The following DDHD1 variants were observed in gnomAD, a reference collection of about 807,000 sequenced individuals.
DDHD1 encodes the protein phospholipase DDHD1.
In DDHD1, 49 loss-of-function variants were observed where a neutral mutation model predicts 96.4. The ratio of observed to expected loss-of-function variants is 0.51; its 90% CI spans 0.40 to 0.64. The LOEUF is 0.64. Ranked by LOEUF, DDHD1 falls within the 30% of genes least tolerant of loss-of-function variation. DDHD1 has a pLI of 0.00. For missense variants in DDHD1, 1,106 were observed against 1,161.2 expected (o/e 0.95, Z 0.69); for synonymous variants, 442 against 446.5 (o/e 0.99, Z 0.13).
At chr14:53,131,669 A>G (rs1399206859) in intron 1 of DDHD1, among the ~76,000 whole-genome samples, 1 of 152,160 alleles carries the variant, frequency 6.6e-6, no homozygotes, top group Non-Finnish European at 1.5e-5. Context: ...CTTCAGGGAC[A>G]GTCCCCATTA....
intron 2 of DDHD1, among the ~76,000 whole-genome samples, chr14:53,101,533 T>C (rs1323168233): frequency 6.6e-6 from 1 of 152,064 alleles, no homozygotes; most frequent in Non-Finnish European, 1.5e-5. Context: ...GCAAAAGTGT[T>C]CTAATAATTT....
intron 4 of DDHD1, among the ~76,000 whole-genome samples, chr14:53,082,838 T>C (rs1257678697): frequency 1.3e-5 from 2 of 150,896 alleles, no homozygotes; most frequent in Non-Finnish European, 2.9e-5. Flanking sequence ...GGTAGGATCA[T>C]AGCACACCAC....
rs1015571342 is a variant in DDHD1 at position 53,046,343 on chromosome 14, G to A, written c.*425C>T. The A allele has an allele frequency of 2.0e-5, 3 of 152,458 alleles. No homozygotes were observed. The highest frequency in any genetic ancestry group is 7.2e-5 in the African/African-American group (3 of 41,460). The allele number at this position is 152,458 out of a possible 1,614,324, so 9.4% of individuals were successfully genotyped here. ...GGATGTACAAATGAAAGCCTTCATA[G>A]AAATCTAAAACGATACCACCTTGTG... On this transcript the variant is annotated 3_prime_UTR_variant, in exon 13 of 13. Transcript: ENST00000673822.
intron 11 of DDHD1, chr14:53,053,440 CAAGTAGGA>C (rs1328520899): frequency 6.6e-6 from 1 of 151,996 alleles, no homozygotes; most frequent in Admixed American, 6.6e-5. Flanking sequence ...GCTGTTGGCC[CAAGTAGGA>C]ATGTTCAACC....
chr14:53,148,328 T>C (rs1566610530), intron 1 of DDHD1, among the ~76,000 whole-genome samples: 1 of 152,156 alleles, frequency 6.6e-6, no homozygotes, highest in Non-Finnish European at 1.5e-5. Flanking sequence ...TTTTTTTTTT[T>C]TGAGAGGGAG....
At chr14:53,093,590 A>G (rs1307814408) in intron 2 of DDHD1, 146 bp from the exon 3 acceptor site, 4 of 1,063,106 alleles carry the variant, frequency 3.8e-6, no homozygotes, top group African/African-American at 1.6e-5. Flanking sequence ...TATTTCACAT[A>G]AAAAAAGTTA....
chr14:53,147,205 C>CA (rs908703705), intron 1 of DDHD1, among the ~76,000 whole-genome samples: 1 of 151,900 alleles, frequency 6.6e-6, no homozygotes, highest in Admixed American at 6.6e-5. Context: ...TTGCTCTCCA[C>CA]AAAAAAGGAT....
At chr14:53,060,950 G>C (rs1883496882) in intron 8 of DDHD1, among the ~76,000 whole-genome samples, 176 bp downstream of exon 8, 1 of 152,040 alleles carries the variant, frequency 6.6e-6, no homozygotes, top group African/African-American at 2.4e-5. Context: ...GAACTGACTT[G>C]TCTATTCTTT....
chr14:53,146,901 GTA>G (rs1891024539), intron 1 of DDHD1, among the ~76,000 whole-genome samples: 1 of 149,188 alleles, frequency 6.7e-6, no homozygotes, highest in African/African-American at 2.5e-5. Context: ...AAGGGACTCT[GTA>G]TATCTGTACC....
chr14:53,144,668 C>T (rs987645079), intron 1 of DDHD1, among the ~76,000 whole-genome samples: 1 of 152,078 alleles, frequency 6.6e-6, no homozygotes, highest in South Asian at 2.1e-4. Context: ...CATGAGATAC[C>T]CTGGGCCTAG....
chr14:53,060,924 T>C (rs527768559), intron 8 of DDHD1, among the ~76,000 whole-genome samples: 1 of 152,230 alleles, frequency 6.6e-6, no homozygotes, highest in Non-Finnish European at 1.5e-5. Flanking sequence ...CTGTGCCATA[T>C]AACCTGAGGA....
intron 11 of DDHD1, 148 bp downstream of exon 11, chr14:53,054,287 AAGC>A (rs1315339150): frequency 3.3e-6 from 2 of 615,292 alleles, no homozygotes; most frequent in Non-Finnish European, 5.3e-6. Context: ...TTAAAAATAT[AAGC>A]AGAAGGAAAG....
At chr14:53,058,657 A>G in intron 8 of DDHD1, 31 bp from the exon 9 acceptor site, 13 of 1,569,962 alleles carry the variant, frequency 8.3e-6, no homozygotes, top group Non-Finnish European at 1.1e-5. Flanking sequence ...TAAAGTTTAA[A>G]AATGGTGAAG....
intron 1 of DDHD1, among the ~76,000 whole-genome samples, chr14:53,107,699 G>C (rs528228431): frequency 6.6e-6 from 1 of 152,282 alleles, no homozygotes; most frequent in African/African-American, 2.4e-5. Context: ...GCTGAGGCAG[G>C]AGAATCACTT....
chr14:53,102,366 T>C (rs1361969338), intron 2 of DDHD1, among the ~76,000 whole-genome samples: 2 of 152,072 alleles, frequency 1.3e-5, no homozygotes, highest in Non-Finnish European at 2.9e-5. Flanking sequence ...CTGCTCCTTA[T>C]TTATTGATAT....
rs142213212 is a variant in DDHD1 at position 53,079,328 on chromosome 14, C to T, written c.1290-5481G>A. Among the ~76,000 whole-genome samples the T allele has an allele frequency of 1.4e-3, 207 of 151,974 alleles. 3 individuals carry two copies. The East Asian group carries it at 0.035, about 26-fold the overall frequency. On this transcript the variant is annotated intron_variant, in intron 4 of 12. Transcript: ENST00000673822. The stretch of plus-strand genomic sequence containing the variant: ...AAGACACAGGATCTTACTATGTGGC[C>T]CAGGCTGAAGTGCAGTGGCTAGTCA...
At chr14:53,103,655 A>C (rs764285931) in intron 2 of DDHD1, 28 bp downstream of exon 2, 1 of 1,553,884 alleles carries the variant, frequency 6.4e-7, no homozygotes, top group East Asian at 2.3e-5. Flanking sequence ...GGTTTGTAGA[A>C]TATATTAAAT....
intron 1 of DDHD1, among the ~76,000 whole-genome samples, chr14:53,111,291 T>G (rs763710473): frequency 2.0e-4 from 31 of 152,252 alleles, no homozygotes; most frequent in Non-Finnish European, 3.8e-4. Context: ...AAACCATCCT[T>G]TATGTTTTCT....
In DDHD1 at chr14:53,086,656, A is replaced by C. The variant is rs147954743; in HGVS notation, c.1289+5129T>G. On this transcript the variant is annotated intron_variant, in intron 4 of 12. Transcript: ENST00000673822. ...TACAAGAGCTCCTGAAGGAAGCACT[A>C]AACATGGAAAGGAACAACTGGTACC... Among the ~76,000 whole-genome samples, 970 of 152,308 alleles carry C rather than the reference A, an allele frequency of 6.4e-3. 15 individuals carry two copies. Among genetic ancestry groups the C allele is most frequent in the African/African-American group, 0.022 (916 of 41,566 alleles).
Sources: allele counts gnomAD v4.1 joint callset (sites outside exome capture counted in the v4.1 genomes callset), GRCh38; gene constraint gnomAD v4.1.1; transcripts MANE v1.5; gene names NCBI Gene and HGNC (gene_info 2026-07-23, HGNC 2026-07-21).